DHDDS: variants seen among roughly 807,000 people sequenced by gnomAD.
DHDDS encodes dehydrodolichyl diphosphate synthase complex subunit DHDDS.
Under a neutral mutation model 46.2 loss-of-function variants are expected in DHDDS, and 16 were observed. The observed-to-expected ratio is 0.35, with a 90% CI of 0.23 to 0.53. DHDDS has a LOEUF of 0.53. Among genes scored for constraint, DHDDS ranks in the 20% least tolerant of loss-of-function variants. The pLI is 0.94. For synonymous variants in DHDDS, 151 were observed against 163.1 expected, an observed-to-expected ratio of 0.93 and a Z score of 0.56; for missense variants, 340 against 423.7, an observed-to-expected ratio of 0.80 and a Z score of 1.73.
chr1:26,467,585 G>T (rs751638469), intron 8 of DHDDS: 5 of 301,926 alleles, frequency 1.7e-5, no homozygotes, highest in South Asian at 1.5e-4. Flanking sequence ...CAGCTCCATT[G>T]TGAGGGTCAA....
chr1:26,457,243 G>C (rs563712544), intron 6 of DHDDS, among the ~76,000 whole-genome samples: 12 of 151,086 alleles, frequency 7.9e-5, no homozygotes, highest in Admixed American at 2.0e-4. Flanking sequence ...GGCGGATCAC[G>C]AGGTCAGGAG....
intron 2 of DHDDS, among the ~76,000 whole-genome samples, chr1:26,436,739 T>A (rs1020725300): frequency 6.6e-6 from 1 of 152,040 alleles, no homozygotes; most frequent in Non-Finnish European, 1.5e-5. Context: ...AGACCCTGTT[T>A]CAAAGAAAAA....
At chr1:26,433,079 A>T (rs1485932546) in intron 2 of DHDDS, 71 bp downstream of exon 2, 7 of 1,518,528 alleles carry the variant, frequency 4.6e-6, no homozygotes, top group Non-Finnish European at 6.4e-6. Flanking sequence ...ACCTGTTATT[A>T]AAGTTGATGA....
At chr1:26,460,275 T>G (rs557155284) in intron 8 of DHDDS, 131 bp downstream of exon 8, 1 of 765,652 alleles carries the variant, frequency 1.3e-6, no homozygotes, top group African/African-American at 1.7e-5. Context: ...AGCTACCACC[T>G]ACTGAGTATC....
chr1:26,458,308 C>T (rs1355686150), intron 7 of DHDDS, among the ~76,000 whole-genome samples: 1 of 152,210 alleles, frequency 6.6e-6, no homozygotes, highest in Non-Finnish European at 1.5e-5. Flanking sequence ...AATATGCAAA[C>T]ACTCAAGTCT....
chr1:26,449,706 A>G (rs1273616953), intron 6 of DHDDS, among the ~76,000 whole-genome samples: 1 of 151,840 alleles, frequency 6.6e-6, no homozygotes, highest in Non-Finnish European at 1.5e-5. Flanking sequence ...TTACAGGGGC[A>G]TGCCACCATG....
chr1:26,458,725 G>A (rs2075394760), intron 7 of DHDDS, among the ~76,000 whole-genome samples: 2 of 137,354 alleles, frequency 1.5e-5, no homozygotes, highest in African/African-American at 5.4e-5. Context: ...GCAACAGAGT[G>A]AGACTCTGTC....
intron 2 of DHDDS, among the ~76,000 whole-genome samples, chr1:26,433,675 C>CAAAAA (rs576315586): frequency 5.3e-5 from 5 of 94,700 alleles, no homozygotes; most frequent in African/African-American, 1.7e-4. Context: ...GACTCTGTCT[C>CAAAAA]AAAAAAAAAA....
chr1:26,438,791 AG>A (rs747053174), intron 3 of DHDDS: 63 of 163,402 alleles, frequency 3.9e-4, no homozygotes, highest in Non-Finnish European at 6.8e-4. Flanking sequence ...ACTGGAAATA[AG>A]AACAAAATTG....
intron 6 of DHDDS, among the ~76,000 whole-genome samples, chr1:26,455,671 C>T (rs185505245): frequency 3.3e-5 from 5 of 152,162 alleles, no homozygotes; most frequent in East Asian, 1.9e-4. Flanking sequence ...CACTTGAACC[C>T]GAGAGGTGGA....
At chr1:26,449,899 C>G (rs1319310014) in intron 6 of DHDDS, among the ~76,000 whole-genome samples, 1 of 152,180 alleles carries the variant, frequency 6.6e-6, no homozygotes, top group Non-Finnish European at 1.5e-5. Flanking sequence ...TGCCCTTCAC[C>G]ATGCTAGGTA....
chr1:26,439,776 T>C (rs2075199408), intron 3 of DHDDS, among the ~76,000 whole-genome samples: 1 of 152,176 alleles, frequency 6.6e-6, no homozygotes, highest in South Asian at 2.1e-4. Context: ...TATGGTATAA[T>C]GCATGTTATA....
At chr1:26,451,774 G>A (rs1345031837) in intron 6 of DHDDS, among the ~76,000 whole-genome samples, 1 of 151,850 alleles carries the variant, frequency 6.6e-6, no homozygotes, top group Non-Finnish European at 1.5e-5. Context: ...GACTACAGGC[G>A]CCTGCCACCC....
chr1:26,465,579 G>A lies in DHDDS; in HGVS notation c.766-3316G>A, dbSNP rs115883212. Among the ~76,000 whole-genome samples, 640 of 152,314 alleles carry A rather than the reference G, an allele frequency of 4.2e-3. 2 individuals are homozygous for A. Among genetic ancestry groups the A allele is most frequent in the African/African-American group, 0.015 (603 of 41,566 alleles). On this transcript the variant is annotated intron_variant, in intron 8 of 8. Coordinates refer to ENST00000236342, the MANE Select transcript of DHDDS (RefSeq NM_205861.3). The stretch of plus-strand genomic sequence containing the variant: ...TCACCTGTAAAATGAGAGAAGTAGC[G>A]TTTACAGTAATACCTACCTTGCAGG...
intron 6 of DHDDS, chr1:26,454,576 G>T: frequency 1.4e-6 from 1 of 739,356 alleles, no homozygotes; most frequent in Non-Finnish European, 2.3e-6. Context: ...AGGTGGATAG[G>T]ACAAATGGGC....
At position 26,469,900 on chromosome 1, in the gene DHDDS, G is replaced by T. The variant is rs80313266; in HGVS notation, c.*769G>T. ...ATGGTTCAGGGTAACAGAAGGGCCT[G>T]TAGGCCCTGGTGAACTGAATCCAGC... On this transcript the variant is annotated 3_prime_UTR_variant, in exon 9 of 9. Coordinates refer to ENST00000236342, the MANE Select transcript of DHDDS (RefSeq NM_205861.3). The T allele has an allele frequency of 0.016, 2,408 of 154,824 alleles. 41 individuals carry two copies. Among genetic ancestry groups the T allele is most frequent in the Non-Finnish European group, 0.023 (1,633 of 69,578 alleles). The allele number at this position is 154,824 out of a possible 1,614,324, so 9.6% of individuals were successfully genotyped here. A position where few individuals can be genotyped will look rare whatever the true frequency, so the allele number is the denominator to read the frequency against.
At chr1:26,467,308 C>T (rs1474788444) in intron 8 of DHDDS, 4 of 471,294 alleles carry the variant, frequency 8.5e-6, no homozygotes, top group Admixed American at 4.7e-5. Context: ...AGGGAGCCTC[C>T]TGACCAAGGC....
At chr1:26,465,330 G>A (rs1229756666) in intron 8 of DHDDS, among the ~76,000 whole-genome samples, 1 of 152,140 alleles carries the variant, frequency 6.6e-6, no homozygotes, top group African/African-American at 2.4e-5. Context: ...CTTCTCCTCA[G>A]GATAAAAGCT....
In DHDDS at chr1:26,469,124, C is replaced by T. The variant is rs770732789; in HGVS notation, c.995C>T (p.Ser332Leu). The change falls in exon 9 of 9, where the codon TCA becomes TTA. Residue 332 changes from serine to leucine, a missense_variant. Coordinates refer to ENST00000236342, the MANE Select transcript of DHDDS (RefSeq NM_205861.3). Reference protein sequence around the residue: ...ADWLARLGTASA With the variant: ...ADWLARLGTALA ...TGGCTGGCCCGTCTGGGCACTGCAT[C>T]AGCCTGAATGAGGCTGGCCACCTGC... The T allele has an allele frequency of 1.2e-6, 2 of 1,611,788 alleles. No individual in the cohort carries two copies. The highest frequency in any genetic ancestry group is 1.7e-6 in the Non-Finnish European group (2 of 1,180,046).
Sources: allele counts gnomAD v4.1 joint callset (sites outside exome capture counted in the v4.1 genomes callset), GRCh38; gene constraint gnomAD v4.1.1; transcripts MANE v1.5; gene names NCBI Gene and HGNC (gene_info 2026-07-23, HGNC 2026-07-21).